Variants in DLGAP2 observed in about 807,000 individuals in gnomAD.
DLGAP2 encodes the protein disks large-associated protein 2.
In DLGAP2, 26 loss-of-function variants were observed where a neutral mutation model predicts 100.3. The observed-to-expected ratio is 0.26, with a 90% CI of 0.19 to 0.36. The LOEUF (loss-of-function observed/expected upper bound fraction) is 0.36. Among genes scored for constraint, DLGAP2 ranks in the 10% least tolerant of loss-of-function variants. DLGAP2 has a pLI of 1.00. For missense variants in DLGAP2, 1,858 were observed against 1,453.2 expected, an observed-to-expected ratio of 1.28 and a Z score of -4.53; for synonymous variants, 886 against 630.1, an observed-to-expected ratio of 1.41 and a Z score of -6.08.
At chr8:1,534,919 G>A (rs543529912) in intron 4 of DLGAP2, among the ~76,000 whole-genome samples, 2 of 152,360 alleles carry the variant, frequency 1.3e-5, no homozygotes, top group South Asian at 4.1e-4. Context: ...AATATTAGCT[G>A]AGATTGTGTT....
rs80327376 is a variant in DLGAP2, at chr8:882,163, G to A, written c.19-25749G>A. ...GCGTCAGTGATGCTCCAAATGAGAC[G>A]TGAGACCCAGCTGAGGCCTGAGACA... On this transcript the variant is annotated intron_variant, in intron 1 of 14. Coordinates refer to ENST00000637795, the MANE Select transcript of DLGAP2 (RefSeq NM_001346810.2). Among the ~76,000 whole-genome samples the A allele has an allele frequency of 1.1e-3, 172 of 152,368 alleles. 1 individual carries two copies. Among genetic ancestry groups the A allele is most frequent in the East Asian group, 4.2e-3 (22 of 5,182 alleles).
intron 4 of DLGAP2, among the ~76,000 whole-genome samples, chr8:1,522,603 T>C (rs890427569): frequency 4.6e-5 from 7 of 152,204 alleles, no homozygotes; most frequent in African/African-American, 9.6e-5. Flanking sequence ...GGTTTCCTCA[T>C]GTGGCCATTG....
intron 2 of DLGAP2, among the ~76,000 whole-genome samples, chr8:1,175,646 C>G (rs1797236576): frequency 6.6e-6 from 1 of 152,144 alleles, no homozygotes; most frequent in Non-Finnish European, 1.5e-5. Flanking sequence ...ATAAATACAT[C>G]CCTTGTGTTT....
chr8:812,789 A>G (rs1796396093), intron 1 of DLGAP2, among the ~76,000 whole-genome samples: 1 of 152,200 alleles, frequency 6.6e-6, no homozygotes, highest in Non-Finnish European at 1.5e-5. Flanking sequence ...GAGAAATGAG[A>G]TCAAAATTAC....
intron 2 of DLGAP2, among the ~76,000 whole-genome samples, chr8:910,877 T>A (rs927485608): frequency 2.6e-5 from 4 of 152,022 alleles, no homozygotes; most frequent in Non-Finnish European, 5.9e-5. Context: ...AGAGCAGGCC[T>A]TGGGCGCGGT....
intron 2 of DLGAP2, among the ~76,000 whole-genome samples, chr8:1,106,452 A>T (rs1160241604): frequency 1.3e-5 from 2 of 148,456 alleles, no homozygotes; most frequent in African/African-American, 2.5e-5. Flanking sequence ...GAAGGAGGCC[A>T]TTCAAGGAGG....
At chr8:1,168,061 G>C (rs1443908664) in intron 2 of DLGAP2, among the ~76,000 whole-genome samples, 2 of 122,090 alleles carry the variant, frequency 1.6e-5, no homozygotes, top group African/African-American at 3.3e-5. Context: ...TCCCCAGAGT[G>C]TGATGTTCCC....
intron 3 of DLGAP2, among the ~76,000 whole-genome samples, chr8:1,331,640 G>C (rs996546688): frequency 6.6e-6 from 1 of 152,152 alleles, no homozygotes; most frequent in Non-Finnish European, 1.5e-5. Context: ...TCTCAGTTTG[G>C]TGTCAACATC....
intron 1 of DLGAP2, among the ~76,000 whole-genome samples, chr8:783,935 C>T (rs1435745066): frequency 6.6e-6 from 1 of 152,156 alleles, no homozygotes; most frequent in East Asian, 1.9e-4. Flanking sequence ...TCGGCTAATT[C>T]TTAGGAGTAA....
intron 1 of DLGAP2, among the ~76,000 whole-genome samples, chr8:779,568 A>G (rs1585854626): frequency 1.3e-5 from 2 of 148,660 alleles, no homozygotes; most frequent in Non-Finnish European, 3.0e-5. Context: ...GGCTCAAGTG[A>G]TCTTCCCACC....
intron 3 of DLGAP2, among the ~76,000 whole-genome samples, chr8:1,497,791 G>A (rs1437797660): frequency 1.3e-5 from 2 of 152,218 alleles, no homozygotes; most frequent in East Asian, 3.8e-4. Flanking sequence ...AAGACCCCTA[G>A]CAGATGCCTG....
intron 2 of DLGAP2, among the ~76,000 whole-genome samples, chr8:1,149,335 G>T (rs991986461): frequency 6.6e-6 from 1 of 152,012 alleles, no homozygotes; most frequent in Non-Finnish European, 1.5e-5. Context: ...TTTTAGTAGA[G>T]GCGGAGTTTC....
intron 2 of DLGAP2, among the ~76,000 whole-genome samples, chr8:1,042,736 GGATGTGGGTC>G (rs1407216670): frequency 4.0e-5 from 6 of 148,298 alleles, no homozygotes; most frequent in African/African-American, 1.2e-4. Flanking sequence ...TGTGAGTGGT[GGATGTGGGTC>G]GTGGATGTAG....
chr8:1,442,456 T>C (rs1388086758), intron 3 of DLGAP2, among the ~76,000 whole-genome samples: 1 of 141,346 alleles, frequency 7.1e-6, no homozygotes, highest in South Asian at 2.3e-4. Flanking sequence ...GATCCGGGCA[T>C]AGACCCGCCA....
At chr8:892,153 C>G (rs1185539204) in intron 1 of DLGAP2, among the ~76,000 whole-genome samples, 1 of 152,126 alleles carries the variant, frequency 6.6e-6, no homozygotes, top group Non-Finnish European at 1.5e-5. Flanking sequence ...GGAGATTCAT[C>G]AAAAACTCGA....
intron 3 of DLGAP2, among the ~76,000 whole-genome samples, chr8:1,439,673 G>A (rs891283344): frequency 2.6e-5 from 4 of 152,110 alleles, no homozygotes; most frequent in Admixed American, 6.5e-5. Context: ...AACTGAAACG[G>A]CAACGTGAGC....
At chr8:1,665,154 T>A (rs1232322294) in intron 8 of DLGAP2, among the ~76,000 whole-genome samples, 1 of 152,004 alleles carries the variant, frequency 6.6e-6, no homozygotes, top group African/African-American at 2.4e-5. Flanking sequence ...GCCCCATACA[T>A]TTTTTTTAAT....
intron 2 of DLGAP2, among the ~76,000 whole-genome samples, chr8:1,117,971 G>C (rs540963841): frequency 6.6e-6 from 1 of 152,120 alleles, no homozygotes; most frequent in Non-Finnish European, 1.5e-5. Context: ...CCGTTTTCCA[G>C]ATGGAATAGT....
chr8:1,243,380 A>G (rs1161655770), intron 2 of DLGAP2, among the ~76,000 whole-genome samples: 1 of 151,992 alleles, frequency 6.6e-6, no homozygotes. Flanking sequence ...AAACCCAGAC[A>G]CTGGTGAGCG....
Sources: gnomAD v4.1 joint callset for allele counts (sites outside exome capture counted in the v4.1 genomes callset) on GRCh38, gnomAD v4.1.1 for gene constraint, MANE v1.5 for transcripts, NCBI Gene and HGNC (gene_info 2026-07-23, HGNC 2026-07-21) for gene names.